The following RPH3A variants were observed in gnomAD, a reference collection of about 807,000 sequenced individuals.
RPH3A encodes the protein rabphilin 3A.
RPH3A carries 48 observed loss-of-function variants against 102.2 expected under a neutral mutation model. That is an observed-to-expected ratio of 0.47 (90% CI 0.37 to 0.60). The LOEUF (loss-of-function observed/expected upper bound fraction) is 0.60, where lower values mean the gene tolerates loss of function less well. RPH3A is among the 20% of genes least tolerant of loss of function. RPH3A has a pLI of 0.00. For missense variants in RPH3A, 781 were observed against 910.1 expected, an observed-to-expected ratio of 0.86 and a Z score of 1.83; for synonymous variants, 310 against 324.3, an observed-to-expected ratio of 0.96 and a Z score of 0.47.
intron 1 of RPH3A, among the ~76,000 whole-genome samples, chr12:112,763,254 T>G (rs948844722): frequency 1.3e-5 from 2 of 152,246 alleles, no homozygotes; most frequent in Non-Finnish European, 2.9e-5. Context: ...ACCGAATGAA[T>G]GTGTCCATGA....
At chr12:112,726,298 A>G (rs982365490) in intron 1 of RPH3A, among the ~76,000 whole-genome samples, 1 of 151,672 alleles carries the variant, frequency 6.6e-6, no homozygotes, top group Non-Finnish European at 1.5e-5. Flanking sequence ...TGTTTTTAGT[A>G]GAGACAGGGT....
chr12:112,690,520 A>G (rs1201064325), intron 1 of RPH3A, among the ~76,000 whole-genome samples: 1 of 152,240 alleles, frequency 6.6e-6, no homozygotes, highest in African/African-American at 2.4e-5. Flanking sequence ...CCCCAAGTCC[A>G]GTCTGAATCT....
At chr12:112,674,642 C>T (rs1447993951) in intron 1 of RPH3A, among the ~76,000 whole-genome samples, 1 of 152,156 alleles carries the variant, frequency 6.6e-6, no homozygotes, top group Non-Finnish European at 1.5e-5. Context: ...TCCTCCCCAG[C>T]ATCCAGAGGT....
At chr12:112,876,582 G>A in intron 12 of RPH3A, 60 bp from the exon 13 acceptor site, 2 of 1,220,900 alleles carry the variant, frequency 1.6e-6, no homozygotes, top group Non-Finnish European at 2.3e-6. Context: ...AATGTCCCTA[G>A]GTGCTGCTGT....
chr12:112,620,283 A>T (rs1256475568), intron 1 of RPH3A, among the ~76,000 whole-genome samples: 1 of 152,220 alleles, frequency 6.6e-6, no homozygotes, highest in Non-Finnish European at 1.5e-5. Context: ...GCCCATGCAG[A>T]TCACATGGTC....
At chr12:112,813,704 C>T (rs2041621347) in intron 2 of RPH3A, among the ~76,000 whole-genome samples, 1 of 151,886 alleles carries the variant, frequency 6.6e-6, no homozygotes, top group South Asian at 2.1e-4. Flanking sequence ...CTCTGTGTTA[C>T]TTTTTGCTGC....
rs559370385 is a variant in RPH3A at position 112,857,911 on chromosome 12, C to T, written c.231-7503C>T. 1.9e-4 allele frequency among the ~76,000 whole-genome samples: 29 copies of T among 152,208 alleles called. 1 individual carries two copies. The highest frequency in any genetic ancestry group is 1.0e-3 in the Admixed American group (16 of 15,298). ...CCTGCTTCATTCTACCTGGAACAGC[C>T]GCAGCATCTGAAACTCTCACTGCAC... is the stretch of plus-strand genomic sequence containing the variant. On this transcript the variant is annotated intron_variant, in intron 5 of 21. Coordinates refer to ENST00000389385, the MANE Select transcript of RPH3A (RefSeq NM_001143854.2).
At chr12:112,893,234 T>G (rs2043128552) in intron 19 of RPH3A, 1 of 152,204 alleles carries the variant, frequency 6.6e-6, no homozygotes, top group Admixed American at 6.5e-5. Context: ...AATAAAGATT[T>G]TTTAAAAGCC....
chr12:112,606,548 T>C (rs1035357362), intron 1 of RPH3A, among the ~76,000 whole-genome samples: 8 of 152,072 alleles, frequency 5.3e-5, no homozygotes, highest in African/African-American at 1.9e-4. Flanking sequence ...GGCTGGCTAA[T>C]TTTTGGATTT....
chr12:112,621,451 G>T lies in RPH3A; in HGVS notation c.-140+46132G>T, dbSNP rs375435497. Reference sequence around the variant, plus strand: ...CGAGTCAAAGAAAGGGGTGACGGACGCACCTGGAAAATCGGGTCACTCCCA... The same window carrying T: ...CGAGTCAAAGAAAGGGGTGACGGACTCACCTGGAAAATCGGGTCACTCCCA... On this transcript the variant is annotated intron_variant, in intron 1 of 21. Transcript: ENST00000543106. 6.9e-3 allele frequency among the ~76,000 whole-genome samples: 1,020 copies of T among 147,958 alleles called. 11 individuals are homozygous for T. Among genetic ancestry groups the T allele is most frequent in the African/African-American group, 0.025 (991 of 39,476 alleles).
chr12:112,693,031 C>T (rs2040319010), intron 1 of RPH3A, among the ~76,000 whole-genome samples: 1 of 152,216 alleles, frequency 6.6e-6, no homozygotes, highest in African/African-American at 2.4e-5. Flanking sequence ...GGGTGCCATT[C>T]AGCTAGGTTT....
At chr12:112,660,782 C>CTA (rs1157076796) in intron 1 of RPH3A, among the ~76,000 whole-genome samples, 4 of 152,200 alleles carry the variant, frequency 2.6e-5, no homozygotes, top group African/African-American at 9.6e-5. Context: ...ACGCCCACAG[C>CTA]TAGTGTGCAG....
chr12:112,879,089 T>A, intron 13 of RPH3A, 30 bp from the exon 14 acceptor site: 1 of 1,569,044 alleles, frequency 6.4e-7, no homozygotes, highest in Non-Finnish European at 8.8e-7. Context: ...GAATATTCGT[T>A]ATCTTGGTTC....
intron 5 of RPH3A, among the ~76,000 whole-genome samples, chr12:112,849,411 G>C (rs917395498): frequency 8.7e-6 from 1 of 115,156 alleles, no homozygotes; most frequent in Admixed American, 9.9e-5. Flanking sequence ...GACTGGCAGT[G>C]TGTGTGTGTG....
intron 1 of RPH3A, among the ~76,000 whole-genome samples, chr12:112,718,329 C>T (rs954692208): frequency 6.6e-6 from 1 of 152,132 alleles, no homozygotes; most frequent in Non-Finnish European, 1.5e-5. Context: ...AAATGGAATA[C>T]ATCAAGGGCT....
At chr12:112,583,778 A>G (rs2039417448) in intron 1 of RPH3A, among the ~76,000 whole-genome samples, 2 of 152,172 alleles carry the variant, frequency 1.3e-5, no homozygotes, top group Admixed American at 1.3e-4. Context: ...TGAGGTCAGG[A>G]GTTCGAGATC....
intron 1 of RPH3A, among the ~76,000 whole-genome samples, chr12:112,770,821 C>T (rs987210271): frequency 6.6e-6 from 1 of 152,148 alleles, no homozygotes; most frequent in African/African-American, 2.4e-5. Context: ...GCTTGGGATA[C>T]CCCCAACGGT....
intron 1 of RPH3A, among the ~76,000 whole-genome samples, chr12:112,696,633 C>T (rs1449924954): frequency 6.6e-6 from 1 of 152,144 alleles, no homozygotes; most frequent in Admixed American, 6.5e-5. Flanking sequence ...AGAAGAGAGC[C>T]AACTCAGAAT....
chr12:112,831,074 T>A (rs1400381750), intron 3 of RPH3A, among the ~76,000 whole-genome samples: 1 of 151,496 alleles, frequency 6.6e-6, no homozygotes, highest in African/African-American at 2.4e-5. Flanking sequence ...AAATCAGCCA[T>A]AGGCAATATG....
Sources: allele counts gnomAD v4.1 joint callset (sites outside exome capture counted in the v4.1 genomes callset), GRCh38; gene constraint gnomAD v4.1.1; transcripts MANE v1.5; gene names NCBI Gene and HGNC (gene_info 2026-07-23, HGNC 2026-07-21).